Variants in MAPT observed in about 807,000 individuals in gnomAD.
MAPT encodes the protein microtubule associated protein tau, also known as microtubule-associated protein tau.
A neutral mutation model predicts 67.9 loss-of-function variants in MAPT; 34 were observed. The ratio of observed to expected loss-of-function variants is 0.50; its 90% CI spans 0.38 to 0.67. MAPT has a LOEUF of 0.67. Among genes scored for constraint, MAPT ranks in the 30% least tolerant of loss-of-function variants. The probability of loss-of-function intolerance (pLI) is 0.00; values close to 1 mark genes in which losing one functional copy is unlikely to be tolerated. For missense variants in MAPT, 881 were observed against 1,115.2 expected, an observed-to-expected ratio of 0.79 and a Z score of 2.99; for synonymous variants, 456 against 464.5, an observed-to-expected ratio of 0.98 and a Z score of 0.23.
At chr17:45,933,396 A>G (rs962513273) in intron 1 of MAPT, among the ~76,000 whole-genome samples, 9 of 151,480 alleles carry the variant, frequency 5.9e-5, no homozygotes, top group African/African-American at 2.2e-4. Flanking sequence ...AGGGCACCAC[A>G]CCAGGCTAAG....
At chr17:45,957,147 G>A (rs1598145280) in intron 1 of MAPT, among the ~76,000 whole-genome samples, 1 of 152,096 alleles carries the variant, frequency 6.6e-6, no homozygotes, top group Non-Finnish European at 1.5e-5. Flanking sequence ...GGTATTTCTA[G>A]TTCTAGATCC....
chr17:45,971,995 C>T lies in MAPT; in HGVS notation c.220+50C>T, dbSNP rs760600828. On this transcript the variant is annotated intron_variant, in intron 3 of 12. Transcript: ENST00000262410. This position sits in a 1 kb window ranked among gnomAD's most constrained non-coding sequence, Gnocchi z 4.3. Reference sequence around the variant, plus strand: ...TCCATGCCTCCAGCCTGTGCTTAGCCGTGCTTTGAGCCTCCCTCCTGGCTG... The same window carrying T: ...TCCATGCCTCCAGCCTGTGCTTAGCTGTGCTTTGAGCCTCCCTCCTGGCTG... The T allele has an allele frequency of 1.1e-5, 16 of 1,445,820 alleles. No individual in the cohort carries two copies. The Middle Eastern group carries it at 5.2e-4, about 47-fold the overall frequency. 89.6% of individuals were successfully genotyped at this position (1,445,820 alleles called of 1,614,324 possible).
chr17:45,895,608 G>C (rs985470267), intron 1 of MAPT: 4 of 152,362 alleles, frequency 2.6e-5, no homozygotes, highest in African/African-American at 9.6e-5. Context: ...CTCAGCGCTC[G>C]GAGCGCAGGG....
chr17:45,931,230 G>C (rs1056691582), intron 1 of MAPT, among the ~76,000 whole-genome samples: 12 of 152,220 alleles, frequency 7.9e-5, no homozygotes, highest in African/African-American at 2.2e-4. Context: ...GACACCCAGC[G>C]CTGACCTTTG....
At chr17:45,978,666 A>C in intron 4 of MAPT, 1 of 563,484 alleles carries the variant, frequency 1.8e-6, no homozygotes, top group Non-Finnish European at 3.2e-6. Flanking sequence ...AGTGTTCTGA[A>C]AGATGCTAGC....
In MAPT at chr17:45,950,309, G is replaced by A. The variant is rs12449477; in HGVS notation, c.-17-12012G>A. 1.1e-4 allele frequency among the ~76,000 whole-genome samples: 17 copies of A among 152,210 alleles called. No individual in the cohort carries two copies. In the East Asian group the frequency reaches 1.9e-3, roughly 17 times the overall value. ...GTGGGCGAGATGCCTGGGGTTTCTC[G>A]TCCACCCCACAACACCTCAGGGGAC... On this transcript the variant is annotated intron_variant, in intron 1 of 12. Coordinates refer to ENST00000262410, the MANE Select transcript of MAPT (RefSeq NM_001377265.1).
intron 1 of MAPT, among the ~76,000 whole-genome samples, chr17:45,924,696 A>C (rs17564591): frequency 0.14 from 21,831 of 152,250 alleles, 2,141 homozygotes; most frequent in Middle Eastern, 0.22. Context: ...CACTTGGAAT[A>C]GTGGTGACAA....
At chr17:46,017,763 AG>A (rs924843236) in intron 11 of MAPT, among the ~76,000 whole-genome samples, 15 of 148,992 alleles carry the variant, frequency 1.0e-4, no homozygotes, top group Admixed American at 1.3e-4. Context: ...CCGGCCTGAA[AG>A]GGTTCTTATT....
intron 1 of MAPT, among the ~76,000 whole-genome samples, chr17:45,908,660 G>T (rs2064509440): frequency 6.6e-6 from 1 of 152,164 alleles, no homozygotes; most frequent in South Asian, 2.1e-4. Context: ...GCTGAGGCTG[G>T]GGTTATGCAT....
chr17:46,026,460 G>A lies in MAPT; in HGVS notation c.*2289G>A, dbSNP rs16940806. On this transcript the variant is annotated 3_prime_UTR_variant, in exon 13 of 13. Transcript: ENST00000262410. ...CTCTGGTCATAGCCCGAAGTCTCAT[G>A]GCAGTCCCAAAGGAGGCTTACAACT... 0.14 allele frequency: 21,752 copies of A among 152,180 alleles called. 2,109 individuals are homozygous for A. Among genetic ancestry groups the A allele is most frequent in the Non-Finnish European group, 0.22 (14,714 of 67,984 alleles). The allele number at this position is 152,180 out of a possible 1,614,324, so 9.4% of individuals were successfully genotyped here. A position where few individuals can be genotyped will look rare whatever the true frequency, so the allele number is the denominator to read the frequency against.
In MAPT at chr17:45,942,598, G is replaced by A. The variant is rs142544711; in HGVS notation, c.-17-19723G>A. On this transcript the variant is annotated intron_variant, in intron 1 of 12. Coordinates refer to ENST00000262410, the MANE Select transcript of MAPT (RefSeq NM_001377265.1). ...CAGGCGCCTCTCCAAATTCAGACGG[G>A]AGCTGGGGCACTATTATAATGCAAA... Among the ~76,000 whole-genome samples, 443 of 152,328 alleles carry A rather than the reference G, an allele frequency of 2.9e-3. 4 individuals are homozygous for A. The highest frequency in any genetic ancestry group is 5.2e-3 in the Admixed American group (79 of 15,310).
At chr17:45,933,582 T>C (rs887052717) in intron 1 of MAPT, among the ~76,000 whole-genome samples, 1 of 152,160 alleles carries the variant, frequency 6.6e-6, no homozygotes, top group Admixed American at 6.6e-5. Flanking sequence ...CCTTATTACT[T>C]GTCCTGAGGC....
At chr17:45,970,290 A>G (rs890226931) in intron 2 of MAPT, among the ~76,000 whole-genome samples, 1 of 152,158 alleles carries the variant, frequency 6.6e-6, no homozygotes, top group African/African-American at 2.4e-5. Flanking sequence ...ATATCCATCC[A>G]TATAATTATA....
chr17:45,999,935 A>G (rs914508908), intron 9 of MAPT, among the ~76,000 whole-genome samples: 3 of 152,224 alleles, frequency 2.0e-5, no homozygotes, highest in Non-Finnish European at 2.9e-5. Context: ...AAAATGTCAT[A>G]CAGGGTCCAT....
chr17:46,017,610 T>A (rs1384471353), intron 11 of MAPT, among the ~76,000 whole-genome samples: 8 of 150,738 alleles, frequency 5.3e-5, no homozygotes. Context: ...CCCGCCACCA[T>A]GCTCAACTAA....
intron 1 of MAPT, among the ~76,000 whole-genome samples, chr17:45,947,680 G>A (rs1598097720): frequency 6.6e-6 from 1 of 151,786 alleles, no homozygotes; most frequent in Admixed American, 6.6e-5. Context: ...GAGCCACCGC[G>A]CCTGGCCTTG....
At chr17:45,930,393 C>A (rs1598002661) in intron 1 of MAPT, among the ~76,000 whole-genome samples, 6 of 132,080 alleles carry the variant, frequency 4.5e-5, no homozygotes, top group Admixed American at 8.2e-5. Flanking sequence ...GGTGACAGAG[C>A]AAGATTCTGT....
intron 1 of MAPT, among the ~76,000 whole-genome samples, chr17:45,940,495 G>T: frequency 6.6e-6 from 1 of 152,210 alleles, no homozygotes; most frequent in East Asian, 1.9e-4. Context: ...GCACTCAAAT[G>T]ATGTCATCGT....
At chr17:45,961,997 T>C (rs925034535) in intron 1 of MAPT, among the ~76,000 whole-genome samples, 1 of 151,978 alleles carries the variant, frequency 6.6e-6, no homozygotes, top group Non-Finnish European at 1.5e-5. Flanking sequence ...CTGGTCTCGA[T>C]CCCCTGACCT....
Sources: allele counts gnomAD v4.1 joint callset (sites outside exome capture counted in the v4.1 genomes callset), GRCh38; gene constraint gnomAD v4.1.1; non-coding constraint Gnocchi (gnomAD v3.1); transcripts MANE v1.5; gene names NCBI Gene and HGNC (gene_info 2026-07-23, HGNC 2026-07-21).